Variants in TTLL11 observed in about 807,000 individuals in gnomAD.
The protein encoded by TTLL11 is tubulin tyrosine ligase like 11, also known as tubulin polyglutamylase TTLL11.
Under a neutral mutation model 51.7 loss-of-function variants are expected in TTLL11, and 42 were observed. The observed-to-expected ratio is 0.81, with a 90% CI of 0.64 to 1.05. TTLL11 has a LOEUF of 1.05. Ranked by LOEUF, TTLL11 falls within the 50% of genes least tolerant of loss-of-function variation. The pLI is 0.00. For synonymous variants in TTLL11, 381 were observed against 383.5 expected (o/e 0.99, Z 0.08); for missense variants, 799 against 940.4 (o/e 0.85, Z 1.97).
At chr9:122,050,796 A>T (rs561511617) in intron 1 of TTLL11, among the ~76,000 whole-genome samples, 1 of 152,290 alleles carries the variant, frequency 6.6e-6, no homozygotes, top group Admixed American at 6.5e-5. Context: ...ATGGTAAGCA[A>T]TCGGAGTCAC....
intron 1 of TTLL11, among the ~76,000 whole-genome samples, chr9:122,050,261 A>G (rs765490807): frequency 1.3e-5 from 2 of 152,238 alleles, no homozygotes; most frequent in Non-Finnish European, 2.9e-5. Context: ...TTAATGTCCA[A>G]GGAAATCACC....
chr9:122,034,870 G>A (rs894871358), intron 2 of TTLL11, among the ~76,000 whole-genome samples: 7 of 152,112 alleles, frequency 4.6e-5, no homozygotes, highest in East Asian at 1.9e-4. Flanking sequence ...CTGACCCCTC[G>A]TCACCTGTGT....
At chr9:121,906,986 C>T (rs567563791) in intron 6 of TTLL11, among the ~76,000 whole-genome samples, 2 of 152,194 alleles carry the variant, frequency 1.3e-5, no homozygotes, top group South Asian at 4.2e-4. Context: ...CGACAACCAC[C>T]CGCTACTCCC....
chr9:121,952,282 T>TA (rs892350971), intron 6 of TTLL11, among the ~76,000 whole-genome samples: 3 of 151,806 alleles, frequency 2.0e-5, no homozygotes, highest in African/African-American at 7.3e-5. Context: ...CAGTCTCTAC[T>TA]AAAAAATACA....
intron 6 of TTLL11, among the ~76,000 whole-genome samples, chr9:121,917,475 A>G (rs1467592082): frequency 7.3e-6 from 1 of 136,626 alleles, no homozygotes; most frequent in African/African-American, 2.9e-5. Flanking sequence ...CACTGTTGAA[A>G]GAAAGAAAAG....
intron 1 of TTLL11, among the ~76,000 whole-genome samples, chr9:122,057,839 C>T (rs1449022555): frequency 1.3e-5 from 2 of 152,184 alleles, no homozygotes; most frequent in African/African-American, 2.4e-5. Context: ...CTCCTACAGA[C>T]CTTACATAAA....
intron 6 of TTLL11, among the ~76,000 whole-genome samples, chr9:121,942,983 G>A (rs1004168548): frequency 3.9e-5 from 6 of 152,132 alleles, no homozygotes; most frequent in Admixed American, 2.0e-4. Flanking sequence ...TTGGGATGGC[G>A]TACAGTAGAC....
intron 4 of TTLL11, among the ~76,000 whole-genome samples, chr9:121,980,298 G>C (rs1484488689): frequency 6.6e-6 from 1 of 152,100 alleles, no homozygotes; most frequent in African/African-American, 2.4e-5. Context: ...ATACTTGAGT[G>C]AAACACCTTA....
intron 6 of TTLL11, among the ~76,000 whole-genome samples, chr9:121,938,275 T>C (rs7018728): frequency 0.28 from 40,185 of 143,144 alleles, 5,969 homozygotes; most frequent in African/African-American, 0.38. Context: ...GGGAACAGAG[T>C]GAGACGCTGT....
Position 121,819,668 on chromosome 9 carries a change from G to T in TTLL11, c.*2919C>A, listed in dbSNP as rs1363650428. 1.3e-5 allele frequency among the ~76,000 whole-genome samples: 2 copies of T among 152,136 alleles called. No individual in the cohort carries two copies. Among genetic ancestry groups the T allele is most frequent in the Non-Finnish European group, 2.9e-5 (2 of 68,026 alleles). ...AGATGGATCCTGAGGGCGCTTGCAG[G>T]GATGGGGCTTATCCTGCAGCAAAGC... On this transcript the variant is annotated 3_prime_UTR_variant, in exon 9 of 9. Coordinates refer to ENST00000321582, the MANE Select transcript of TTLL11 (RefSeq NM_001139442.2).
At chr9:121,969,232 A>G (rs1475614736) in intron 6 of TTLL11, among the ~76,000 whole-genome samples, 1 of 152,190 alleles carries the variant, frequency 6.6e-6, no homozygotes, top group Non-Finnish European at 1.5e-5. Flanking sequence ...GGCTCAAAAC[A>G]GCTATGCAAC....
At chr9:122,090,953 A>G (rs1478150882) in intron 1 of TTLL11, among the ~76,000 whole-genome samples, 1 of 152,206 alleles carries the variant, frequency 6.6e-6, no homozygotes, top group Non-Finnish European at 1.5e-5. Flanking sequence ...GACCGCAATT[A>G]TTCCTTTACT....
chr9:122,059,951 T>C (rs1845398145), intron 1 of TTLL11, among the ~76,000 whole-genome samples: 1 of 152,212 alleles, frequency 6.6e-6, no homozygotes, highest in Non-Finnish European at 1.5e-5. Flanking sequence ...CACAGCTGCT[T>C]GTCATAGTGA....
At chr9:121,915,460 A>G (rs1840288963) in intron 6 of TTLL11, among the ~76,000 whole-genome samples, 2 of 152,110 alleles carry the variant, frequency 1.3e-5, no homozygotes, top group Non-Finnish European at 2.9e-5. Flanking sequence ...TTCCCGATAC[A>G]TCTCATGTTT....
intron 7 of TTLL11, among the ~76,000 whole-genome samples, chr9:121,867,512 C>G (rs7030469): frequency 0.018 from 2,675 of 152,296 alleles, 52 homozygotes; most frequent in African/African-American, 0.06. Context: ...TCTCTCTTCT[C>G]TATGGGTAGG....
At chr9:121,983,455 T>A (rs1842868907) in intron 4 of TTLL11, among the ~76,000 whole-genome samples, 1 of 152,194 alleles carries the variant, frequency 6.6e-6, no homozygotes, top group African/African-American at 2.4e-5. Flanking sequence ...CCATGGGGGC[T>A]ACGCGGGATC....
intron 3 of TTLL11, among the ~76,000 whole-genome samples, chr9:122,002,944 CAAAAAA>C (rs547408355): frequency 9.8e-5 from 6 of 61,242 alleles, no homozygotes; most frequent in African/African-American, 4.2e-4. Context: ...GACTCTGTCT[CAAAAAA>C]AAAAAAAAAA....
chr9:121,894,335 G>A (rs1388018016), intron 6 of TTLL11, among the ~76,000 whole-genome samples: 1 of 152,184 alleles, frequency 6.6e-6, no homozygotes. Context: ...AGAAAGTGTG[G>A]CAATTCCTCA....
chr9:121,873,614 GCCT>G (rs71370698), intron 6 of TTLL11, among the ~76,000 whole-genome samples: 18,529 of 143,540 alleles, frequency 0.13, 1,456 homozygotes, highest in African/African-American at 0.19. Context: ...GCCCAGTCCC[GCCT>G]CCTCCTCCTC....
Sources: allele counts gnomAD v4.1 joint callset (sites outside exome capture counted in the v4.1 genomes callset), GRCh38; gene constraint gnomAD v4.1.1; transcripts MANE v1.5; gene names NCBI Gene and HGNC (gene_info 2026-07-23, HGNC 2026-07-21).